The following FSCN1 variants were observed in gnomAD, a reference collection of about 807,000 sequenced individuals.
FSCN1 encodes fascin actin-bundling protein 1, also known as fascin.
FSCN1 carries 10 observed loss-of-function variants against 39.7 expected under a neutral mutation model. That is an observed-to-expected ratio of 0.25 (90% CI 0.16 to 0.43). The LOEUF is 0.43. FSCN1 is among the 20% of genes least tolerant of loss of function. FSCN1 has a pLI of 1.00. For missense variants in FSCN1, 525 were observed against 723.8 expected, an observed-to-expected ratio of 0.73 and a Z score of 3.15; for synonymous variants, 322 against 320.0, an observed-to-expected ratio of 1.01 and a Z score of -0.07.
intron 1 of FSCN1, among the ~76,000 whole-genome samples, chr7:5,598,758 TG>T: frequency 6.6e-6 from 1 of 152,314 alleles, no homozygotes; most frequent in Non-Finnish European, 1.5e-5. Flanking sequence ...TTTCTGCTGC[TG>T]GGGTGGGCCT....
chr7:5,600,404 ACT>A (rs1443810070), intron 1 of FSCN1, among the ~76,000 whole-genome samples: 1 of 151,686 alleles, frequency 6.6e-6, no homozygotes, highest in Admixed American at 6.6e-5. Context: ...ACACAGCGAG[ACT>A]CTCTTTCTCA....
intron 1 of FSCN1, among the ~76,000 whole-genome samples, chr7:5,601,109 G>A (rs367763361): frequency 1.3e-3 from 196 of 151,798 alleles, no homozygotes; most frequent in African/African-American, 4.5e-3. Flanking sequence ...TACTTTTTAG[G>A]GACATGGAAT....
intron 1 of FSCN1, among the ~76,000 whole-genome samples, chr7:5,595,653 C>T (rs1785717501): frequency 6.6e-6 from 1 of 152,108 alleles, no homozygotes; most frequent in African/African-American, 2.4e-5. Flanking sequence ...GTGGGTGTCT[C>T]CTGTGCAAAG....
chr7:5,603,675 T>A lies in FSCN1; in HGVS notation c.1111+58T>A. The A allele has an allele frequency of 1.2e-6, 2 of 1,609,546 alleles. No homozygotes were observed. Among genetic ancestry groups the A allele is most frequent in the Non-Finnish European group, 1.7e-6 (2 of 1,177,230 alleles). The stretch of plus-strand genomic sequence containing the variant: ...CCTGGAGTCCTGGAGGGTCTGGCCA[T>A]GCCGTGGTCACTTGGTAGCCCCAGC... On this transcript the variant is annotated intron_variant, in intron 3 of 4. Coordinates refer to ENST00000382361, the MANE Select transcript of FSCN1 (RefSeq NM_003088.4). This position sits in a 1 kb window ranked among gnomAD's most constrained non-coding sequence, Gnocchi z 8.5.
rs1281980816 is a variant in FSCN1 at position 5,603,020 on chromosome 7, C to T, written c.833-237C>T. On this transcript the variant is annotated intron_variant, in intron 1 of 4. Transcript: ENST00000382361. The surrounding 1 kb of genome is among the most constrained non-coding windows in gnomAD (Gnocchi z 8.5). ...CCCCTGTCCCTGGCCCCTATTATTT[C>T]TCTAACTGGGGAAAGTCATGTGGGA... 1 of 569,968 alleles carries T rather than the reference C, an allele frequency of 1.8e-6. No individual in the cohort carries two copies. The allele number at this position is 569,968 out of a possible 1,614,324, so 35.3% of individuals were successfully genotyped here. A position where few individuals can be genotyped will look rare whatever the true frequency, so the allele number is the denominator to read the frequency against.
intron 4 of FSCN1, 97 bp downstream of exon 4, chr7:5,604,127 TG>T: frequency 8.2e-7 from 1 of 1,215,622 alleles, no homozygotes; most frequent in South Asian, 1.4e-5. Context: ...CACTGGACCC[TG>T]GCTTGGCTCA....
intron 1 of FSCN1, chr7:5,594,497 C>T (rs1312895480): frequency 1.3e-5 from 2 of 152,348 alleles, no homozygotes; most frequent in Admixed American, 6.5e-5. Context: ...TTGTCCTGCT[C>T]CATCTCTGCA....
intron 1 of FSCN1, among the ~76,000 whole-genome samples, chr7:5,596,266 G>A (rs1374630801): frequency 2.6e-5 from 4 of 152,266 alleles, no homozygotes; most frequent in South Asian, 2.1e-4. Flanking sequence ...GGGAGGATCC[G>A]GACTTAGCTG....
intron 1 of FSCN1, chr7:5,602,933 C>T: frequency 8.2e-6 from 3 of 367,462 alleles, no homozygotes; most frequent in Non-Finnish European, 1.5e-5. Flanking sequence ...TGGTCTCAAA[C>T]TCCTAGACTC....
chr7:5,604,009 G>C lies in FSCN1; in HGVS notation c.1258G>C (p.Asp420His), dbSNP rs369086654. 2 of 1,613,592 alleles carry C rather than the reference G, an allele frequency of 1.2e-6. No individual in the cohort carries two copies. Among genetic ancestry groups the C allele is most frequent in the Admixed American group, 3.3e-5 (2 of 60,000 alleles). The change falls in exon 4 of 5, where the codon GAT (aspartate) becomes CAT (histidine). Residue 420 changes from aspartate (D) to histidine (H), a missense_variant. Coordinates refer to ENST00000382361, the MANE Select transcript of FSCN1 (RefSeq NM_003088.4). ...SYDVFQLEFN[D>H]GAYNIKDSTG... ...TGACGTCTTCCAGCTGGAGTTCAACGATGGCGCCTACAACATCAAAGGCAG... is the reference window on the plus strand; with the variant it reads ...TGACGTCTTCCAGCTGGAGTTCAACCATGGCGCCTACAACATCAAAGGCAG...
chr7:5,592,934 A>G lies in FSCN1; in HGVS notation c.-3A>G. The stretch of plus-strand genomic sequence containing the variant: ...GCGCAGCGGCCTCTCGTCTACTGCC[A>G]CCATGACCGCCAACGGCACAGCCGA... On this transcript the variant is annotated 5_prime_UTR_variant, in exon 1 of 5. Transcript: ENST00000382361. This position sits in a 1 kb window ranked among gnomAD's most constrained non-coding sequence, Gnocchi z 5.3. 3 of 1,513,286 alleles carry G rather than the reference A, an allele frequency of 2.0e-6. No individual in the cohort carries two copies. Among genetic ancestry groups the G allele is most frequent in the Non-Finnish European group, 2.7e-6 (3 of 1,129,092 alleles). 93.7% of individuals were successfully genotyped at this position (1,513,286 alleles called of 1,614,324 possible). A position where few individuals can be genotyped will look rare whatever the true frequency, so the allele number is the denominator to read the frequency against.
intron 1 of FSCN1, among the ~76,000 whole-genome samples, chr7:5,600,525 C>T (rs1327948442): frequency 7.9e-5 from 12 of 152,132 alleles, no homozygotes. Flanking sequence ...CAGAGTCTTG[C>T]TCTGTCGCCC....
intron 1 of FSCN1, among the ~76,000 whole-genome samples, chr7:5,601,610 G>A (rs1185239976): frequency 2.6e-5 from 4 of 152,172 alleles, no homozygotes; most frequent in Non-Finnish European, 5.9e-5. Flanking sequence ...GGCTGAGTTA[G>A]GAGGATCATG....
At chr7:5,604,151 G>A (rs1785886666) in intron 4 of FSCN1, 121 bp downstream of exon 4, 1 of 866,900 alleles carries the variant, frequency 1.2e-6, no homozygotes, top group Non-Finnish European at 1.8e-6. Context: ...GCCATTCCAG[G>A]CCCTAAAGGG....
chr7:5,597,297 A>G (rs986692411), intron 1 of FSCN1, among the ~76,000 whole-genome samples: 2 of 152,192 alleles, frequency 1.3e-5, no homozygotes, highest in African/African-American at 4.8e-5. Context: ...TGAGCCGGGG[A>G]GTTTGAGGCT....
chr7:5,602,460 C>T (rs561584899), intron 1 of FSCN1, among the ~76,000 whole-genome samples: 1 of 152,098 alleles, frequency 6.6e-6, no homozygotes, highest in African/African-American at 2.4e-5. Flanking sequence ...CGCTGTTCCG[C>T]TGTGCTGCAG....
intron 4 of FSCN1, among the ~76,000 whole-genome samples, chr7:5,604,300 G>A (rs1241136615): frequency 6.6e-6 from 1 of 151,636 alleles, no homozygotes; most frequent in Non-Finnish European, 1.5e-5. Context: ...AGGAGAGCAG[G>A]GAAGGGGAGG....
rs772757275 is a variant in FSCN1, at chr7:5,605,282, C to G, written c.1290C>G (p.Gly430=). ...AAGTCCCCTCCCCAGACTCCACAGG[C>G]AAATACTGGACGGTGGGCAGTGACT... The part of the protein sequence containing the change: ...DGAYNIKDST[G]KYWTVGSDSA... The change falls in exon 5 of 5, where the codon GGC becomes GGG. Residue 430 remains glycine, a synonymous_variant. Coordinates refer to ENST00000382361, the MANE Select transcript of FSCN1 (RefSeq NM_003088.4). The surrounding 1 kb of genome is among the most constrained non-coding windows in gnomAD (Gnocchi z 6.9). 3 of 1,612,892 alleles carry G rather than the reference C, an allele frequency of 1.9e-6. No homozygotes were observed. The highest frequency in any genetic ancestry group is 1.7e-6 in the Non-Finnish European group (2 of 1,178,996).
At position 5,603,050 on chromosome 7, in the gene FSCN1, A is replaced by G; in HGVS notation, c.833-207A>G. The G allele has an allele frequency of 1.7e-6, 1 of 600,782 alleles. No homozygotes were observed. The highest frequency in any genetic ancestry group is 3.0e-6 in the Non-Finnish European group (1 of 337,938). 37.2% of individuals were successfully genotyped at this position (600,782 alleles called of 1,614,324 possible). A position where few individuals can be genotyped will look rare whatever the true frequency, so the allele number is the denominator to read the frequency against. On this transcript the variant is annotated intron_variant, in intron 1 of 4. Coordinates refer to ENST00000382361, the MANE Select transcript of FSCN1 (RefSeq NM_003088.4). This position sits in a 1 kb window ranked among gnomAD's most constrained non-coding sequence, Gnocchi z 8.5. ...ACTGGGGAAAGTCATGTGGGAACAG[A>G]TGTAGCTTGCCTTGGCCTCTGACCG...
Sources: allele counts gnomAD v4.1 joint callset (sites outside exome capture counted in the v4.1 genomes callset), GRCh38; gene constraint gnomAD v4.1.1; non-coding constraint Gnocchi (gnomAD v3.1); transcripts MANE v1.5; gene names NCBI Gene and HGNC (gene_info 2026-07-23, HGNC 2026-07-21).